MIEF1: variants seen among roughly 807,000 people sequenced by gnomAD.
The protein encoded by MIEF1 is mitochondrial dynamics protein MIEF1.
MIEF1 carries 14 observed loss-of-function variants against 35.1 expected under a neutral mutation model. The observed-to-expected ratio is 0.40, with a 90% CI of 0.26 to 0.62. The LOEUF (loss-of-function observed/expected upper bound fraction) is 0.62. Among genes scored for constraint, MIEF1 ranks in the 20% least tolerant of loss-of-function variants. The pLI, the probability that MIEF1 is intolerant of heterozygous loss-of-function variation, is 0.43. For synonymous variants in MIEF1, 245 were observed against 254.3 expected, an observed-to-expected ratio of 0.96 and a Z score of 0.35; for missense variants, 542 against 615.4, an observed-to-expected ratio of 0.88 and a Z score of 1.26.
chr22:39,512,272 G>A lies in MIEF1; in HGVS notation c.363G>A (p.Lys121=). The A allele has an allele frequency of 1.2e-6, 2 of 1,613,976 alleles. No individual in the cohort carries two copies. Among genetic ancestry groups the A allele is most frequent in the South Asian group, 1.1e-5 (1 of 91,090 alleles). ...CPPRPKPVAR[K]GQVDLKKSRL... is the part of the protein sequence containing the mutation. ...CCCGGCCCAAGCCAGTGGCCAGGAA[G>A]GGCCAGGTAGACTTGAAGAAGTCAC... Residue 121 remains lysine (K), a synonymous_variant, in exon 5 of 6, where the codon AAG becomes AAA. Coordinates refer to ENST00000325301, the MANE Select transcript of MIEF1 (RefSeq NM_019008.6).
intron 2 of MIEF1, among the ~76,000 whole-genome samples, chr22:39,506,303 T>TG (rs1472621394): frequency 6.6e-6 from 1 of 152,126 alleles, no homozygotes; most frequent in Non-Finnish European, 1.5e-5. Flanking sequence ...GCATATGGTC[T>TG]GGGGGTTAAT....
chr22:39,505,251 C>T (rs898416748), intron 2 of MIEF1, among the ~76,000 whole-genome samples: 1 of 151,516 alleles, frequency 6.6e-6, no homozygotes, highest in African/African-American at 2.4e-5. Flanking sequence ...GTGGCATGAT[C>T]ATAGCTCTCT....
rs1930691287 is a variant in MIEF1 at position 39,516,734 on chromosome 22, AAAG to A, written c.*2413_*2415del. 1 of 152,354 alleles carries A rather than the reference AAAG, an allele frequency of 6.6e-6. No homozygotes were observed. The allele number at this position is 152,354 out of a possible 1,614,324, so 9.4% of individuals were successfully genotyped here. ...ATAAAAATTGGAAGAAGAGCTTAAAAAAGATAAGATTTTAAAGAGTCCCAAGTT... is the reference window on the plus strand; with the variant it reads ...ATAAAAATTGGAAGAAGAGCTTAAAAATAAGATTTTAAAGAGTCCCAAGTT... On this transcript the variant is annotated 3_prime_UTR_variant, in exon 6 of 6. Coordinates refer to ENST00000325301, the MANE Select transcript of MIEF1 (RefSeq NM_019008.6).
At chr22:39,505,266 C>T (rs538287381) in intron 2 of MIEF1, among the ~76,000 whole-genome samples, 1 of 152,196 alleles carries the variant, frequency 6.6e-6, no homozygotes, top group African/African-American at 2.4e-5. Flanking sequence ...CTCTCTGGAA[C>T]CTTGAATGCC....
At chr22:39,500,178 GC>G (rs1458399466), upstream of MIEF1, 1 of 152,196 alleles carries the variant, frequency 6.6e-6, no homozygotes, top group East Asian at 1.9e-4. Flanking sequence ...AATGCCTCTT[GC>G]CCTGTGAAAC....
Position 39,517,348 on chromosome 22 carries a change from A to G in MIEF1, c.*3025A>G, listed in dbSNP as rs564637997. The G allele has an allele frequency of 3.2e-4, 84 of 260,098 alleles. 1 individual carries two copies. Among genetic ancestry groups the G allele is most frequent in the South Asian group, 3.1e-3 (84 of 27,112 alleles). The allele number at this position is 260,098 out of a possible 1,614,324, so 16.1% of individuals were successfully genotyped here. A position where few individuals can be genotyped will look rare whatever the true frequency, so the allele number is the denominator to read the frequency against. ...AGTATTTTTCTTTACATGCTTGGTT[A>G]TGACTTTTAAAGTTTTATTTAAATA... On this transcript the variant is annotated 3_prime_UTR_variant, in exon 6 of 6. Coordinates refer to ENST00000325301, the MANE Select transcript of MIEF1 (RefSeq NM_019008.6).
chr22:39,512,893 C>T (rs532189570), intron 5 of MIEF1, among the ~76,000 whole-genome samples: 2 of 152,118 alleles, frequency 1.3e-5, no homozygotes, highest in Non-Finnish European at 2.9e-5. Flanking sequence ...AGGTGATCCA[C>T]CCACCTCGGC....
chr22:39,504,071 C>T, intron 1 of MIEF1, 132 bp from the exon 2 acceptor site: 1 of 394,510 alleles, frequency 2.5e-6, no homozygotes, highest in Non-Finnish European at 4.5e-6. Flanking sequence ...TCTAGTCTTG[C>T]CATTAAGTCA....
intron 5 of MIEF1, among the ~76,000 whole-genome samples, chr22:39,512,972 T>G (rs923016447): frequency 1.3e-5 from 2 of 152,222 alleles, no homozygotes; most frequent in Non-Finnish European, 2.9e-5. Flanking sequence ...CTTTAATCGT[T>G]TCTCATGTTT....
intron 2 of MIEF1, among the ~76,000 whole-genome samples, chr22:39,508,599 C>T (rs1267425178): frequency 1.3e-5 from 2 of 152,194 alleles, no homozygotes; most frequent in Non-Finnish European, 2.9e-5. Flanking sequence ...ATCTCAGTGG[C>T]CACTGGAGAG....
At position 39,516,769 on chromosome 22, in the gene MIEF1, G is replaced by A. The variant is rs1930692725; in HGVS notation, c.*2446G>A. On this transcript the variant is annotated 3_prime_UTR_variant, in exon 6 of 6. Coordinates refer to ENST00000325301, the MANE Select transcript of MIEF1 (RefSeq NM_019008.6). ...TTTTAAAGAGTCCCAAGTTATTTAAGTTGAGTGTAATTGTCATTTAAGGAA... is the reference window on the plus strand; with the variant it reads ...TTTTAAAGAGTCCCAAGTTATTTAAATTGAGTGTAATTGTCATTTAAGGAA... The A allele has an allele frequency of 6.6e-6, 1 of 152,176 alleles. No individual in the cohort carries two copies. Among genetic ancestry groups the A allele is most frequent in the Non-Finnish European group, 1.5e-5 (1 of 68,040 alleles). The allele number at this position is 152,176 out of a possible 1,614,324, so 9.4% of individuals were successfully genotyped here.
At chr22:39,502,870 A>T (rs1253715746) in intron 1 of MIEF1, among the ~76,000 whole-genome samples, 1 of 152,178 alleles carries the variant, frequency 6.6e-6, no homozygotes, top group Non-Finnish European at 1.5e-5. Context: ...TTGAGGAAAA[A>T]TGGGCAGGGA....
rs1228794696 is a variant in MIEF1, at chr22:39,514,912, TAGA to T, written c.*592_*594del. The T allele has an allele frequency of 3.5e-6, 1 of 287,678 alleles. No individual in the cohort carries two copies. The highest frequency in any genetic ancestry group is 6.5e-6 in the Non-Finnish European group (1 of 153,032). The allele number at this position is 287,678 out of a possible 1,614,324, so 17.8% of individuals were successfully genotyped here. ...TGGCCTTTGACCACGGTTCCTGGAG[TAGA>T]AGTCCATCCTCCCCCCAACCTCCTG... On this transcript the variant is annotated 3_prime_UTR_variant, in exon 6 of 6. Transcript: ENST00000325301.
chr22:39,514,188 A>G lies in MIEF1; in HGVS notation c.1257A>G (p.Leu419=). The G allele has an allele frequency of 6.2e-7, 1 of 1,614,230 alleles. No individual in the cohort carries two copies. Among genetic ancestry groups the G allele is most frequent in the African/African-American group, 1.3e-5 (1 of 75,052 alleles). The stretch of plus-strand genomic sequence containing the variant: ...CCTTGAGGGGACTTATCAGCTACTT[A>G]GAGGCTGGAGTCCTGCCCAGTGCCC... ...LQALRGLISY[L]EAGVLPSALN... Residue 419 remains leucine, a synonymous_variant, in exon 6 of 6, where the codon TTA becomes TTG. Transcript: ENST00000325301.
rs1056051153 is a variant in MIEF1 at position 39,515,913 on chromosome 22, C to T, written c.*1590C>T. 1 of 153,470 alleles carries T rather than the reference C, an allele frequency of 6.5e-6. No homozygotes were observed. The highest frequency in any genetic ancestry group is 1.5e-5 in the Non-Finnish European group (1 of 68,654). The allele number at this position is 153,470 out of a possible 1,614,324, so 9.5% of individuals were successfully genotyped here. On this transcript the variant is annotated 3_prime_UTR_variant, in exon 6 of 6. Coordinates refer to ENST00000325301, the MANE Select transcript of MIEF1 (RefSeq NM_019008.6). Reference sequence around the variant, plus strand: ...GTAACAGGAAATGACTCTTTAGCATCGATACCTCAACATCAATTTAGGGTA... The same window carrying T: ...GTAACAGGAAATGACTCTTTAGCATTGATACCTCAACATCAATTTAGGGTA...
chr22:39,517,679 C>T lies in MIEF1; in HGVS notation c.*3356C>T. 2.1e-6 allele frequency: 1 copy of T among 467,910 alleles called. No homozygotes were observed. Among genetic ancestry groups the T allele is most frequent in the African/African-American group, 2.0e-5 (1 of 50,104 alleles). The allele number at this position is 467,910 out of a possible 1,614,324, so 29.0% of individuals were successfully genotyped here. A position where few individuals can be genotyped will look rare whatever the true frequency, so the allele number is the denominator to read the frequency against. On this transcript the variant is annotated 3_prime_UTR_variant, in exon 6 of 6. Coordinates refer to ENST00000325301, the MANE Select transcript of MIEF1 (RefSeq NM_019008.6). Reference sequence around the variant, plus strand: ...ATTTGTTAGAACTCTGCCCTTTTGTCTGAAACTCAAGGCCAAGGAGAATGA... The same window carrying T: ...ATTTGTTAGAACTCTGCCCTTTTGTTTGAAACTCAAGGCCAAGGAGAATGA...
upstream of MIEF1, among the ~76,000 whole-genome samples, chr22:39,501,206 G>T (rs1929683645): frequency 1.3e-5 from 2 of 152,168 alleles, no homozygotes. Context: ...TCACTCAGCT[G>T]CGAAAGCACT....
chr22:39,517,583 C>G lies in MIEF1; in HGVS notation c.*3260C>G, dbSNP rs986098675. 4.2e-6 allele frequency: 2 copies of G among 471,174 alleles called. No homozygotes were observed. Among genetic ancestry groups the G allele is most frequent in the Non-Finnish European group, 8.8e-6 (2 of 227,058 alleles). 29.2% of individuals were successfully genotyped at this position (471,174 alleles called of 1,614,324 possible). A position where few individuals can be genotyped will look rare whatever the true frequency, so the allele number is the denominator to read the frequency against. ...AGGGTTCTGTAAATACAGACTACTG[C>G]GAGTGTCCAGAGCTCTCTGCCATGA... On this transcript the variant is annotated 3_prime_UTR_variant, in exon 6 of 6. Coordinates refer to ENST00000325301, the MANE Select transcript of MIEF1 (RefSeq NM_019008.6).
rs1358686052 is a variant in MIEF1, at chr22:39,502,409, T to G, written c.-368T>G. 6.6e-6 allele frequency: 1 copy of G among 152,356 alleles called. No homozygotes were observed. The highest frequency in any genetic ancestry group is 1.5e-5 in the Non-Finnish European group (1 of 68,154). 9.4% of individuals were successfully genotyped at this position (152,356 alleles called of 1,614,324 possible). ...GAGGTACCCGGCCAGAGGCGAGTCC[T>G]GCGGAGTGGTAGCGCGCACGGCCTG... On this transcript the variant is annotated 5_prime_UTR_variant, in exon 1 of 6. Transcript: ENST00000325301.
Sources: allele counts gnomAD v4.1 joint callset (sites outside exome capture counted in the v4.1 genomes callset), GRCh38; gene constraint gnomAD v4.1.1; transcripts MANE v1.5; gene names NCBI Gene and HGNC (gene_info 2026-07-23, HGNC 2026-07-21).